Variants in KRT20 observed in about 807,000 individuals in gnomAD.
The protein encoded by KRT20 is keratin, type I cytoskeletal 20.
KRT20 carries 41 observed loss-of-function variants against 43.0 expected under a neutral mutation model. The observed-to-expected ratio is 0.95, with a 90% CI of 0.74 to 1.24. KRT20 has a LOEUF of 1.24. Ranked by LOEUF, KRT20 falls within the 50% of genes most tolerant of loss-of-function variation. The probability of loss-of-function intolerance (pLI) is 0.00; values close to 1 mark genes in which losing one functional copy is unlikely to be tolerated. For synonymous variants in KRT20, 207 were observed against 200.6 expected (o/e 1.03, Z -0.27); for missense variants, 533 against 521.2 (o/e 1.02, Z -0.22).
chr17:40,881,516 G>C (rs1315032935), intron 2 of KRT20, among the ~76,000 whole-genome samples: 1 of 152,010 alleles, frequency 6.6e-6, no homozygotes, highest in African/African-American at 2.4e-5. Flanking sequence ...GCCTCTCAAA[G>C]TGCTGGGATT....
chr17:40,882,148 G>C (rs956745069), intron 2 of KRT20, among the ~76,000 whole-genome samples: 13 of 152,174 alleles, frequency 8.5e-5, no homozygotes, highest in African/African-American at 3.1e-4. Context: ...TACACTTGCA[G>C]GCACTTGAAT....
chr17:40,877,543 A>G (rs905937341), intron 6 of KRT20, 126 bp from the exon 7 acceptor site: 2 of 549,982 alleles, frequency 3.6e-6, no homozygotes, highest in Non-Finnish European at 6.1e-6. Flanking sequence ...TTGCTTTCAT[A>G]TATCTTTCCC....
At chr17:40,878,389 C>G in intron 5 of KRT20, 24 bp from the exon 6 acceptor site, 1 of 1,559,160 alleles carries the variant, frequency 6.4e-7, no homozygotes, top group Non-Finnish European at 8.8e-7. Context: ...AAAAATAGGG[C>G]ACTTCTTATG....
chr17:40,877,102 G>A (rs868123598), intron 7 of KRT20, among the ~76,000 whole-genome samples: 1 of 152,144 alleles, frequency 6.6e-6, no homozygotes, highest in Non-Finnish European at 1.5e-5. Flanking sequence ...CTTGCTCTCT[G>A]GTTCTCATGG....
rs990623507 is a variant in KRT20 at position 40,884,818 on chromosome 17, T to A, written c.368A>T (p.Gln123Leu). 17 of 1,612,944 alleles carry A rather than the reference T, an allele frequency of 1.1e-5. No homozygotes were observed. The highest frequency in any genetic ancestry group is 1.7e-5 in the Admixed American group (1 of 59,938). The change falls in exon 1 of 8, where the codon CAA (glutamine) becomes CTA (leucine). Residue 123 changes from glutamine (Q) to leucine (L), a missense_variant. Transcript: ENST00000167588. The part of the protein sequence containing the change: ...AGRDYSAYYR[Q>L]IEELRSQIKD... ...CACCTGACTTCGCAGCTCTTCAATT[T>A]GTCTGTAATATGCACTGTAGTCGCG...
chr17:40,879,698 C>A, intron 5 of KRT20, 115 bp downstream of exon 5: 2 of 1,179,134 alleles, frequency 1.7e-6, no homozygotes, highest in South Asian at 3.0e-5. Context: ...GTTTCCCTGC[C>A]AGTTCTGCAA....
rs35896697 is a variant in KRT20 at position 40,878,150 on chromosome 17, G to T, written c.1134C>A (p.Asp378Glu). The part of the protein sequence containing the change: ...ATYRRLLEGE[D>E]VKTTEYQLST... ...CTTGATTCTAAGAGCCTTACTTTAC[G>T]TCTTCTCCTTCCAGAAGGCGGCGGT... The change falls in exon 6 of 8, where the codon GAC becomes GAA. Residue 378 changes from aspartate to glutamate, a missense_variant. Transcript: ENST00000167588. 1 of 1,612,940 alleles carries T rather than the reference G, an allele frequency of 6.2e-7. No homozygotes were observed. The highest frequency in any genetic ancestry group is 8.5e-7 in the Non-Finnish European group (1 of 1,179,040).
At position 40,884,986 on chromosome 17, in the gene KRT20, A is replaced by G. The variant is rs780500436; in HGVS notation, c.200T>C (p.Val67Ala). 1 of 1,614,194 alleles carries G rather than the reference A, an allele frequency of 6.2e-7. No individual in the cohort carries two copies. Among genetic ancestry groups the G allele is most frequent in the Non-Finnish European group, 8.5e-7 (1 of 1,180,036 alleles). Reference protein sequence around the residue: ...SDLTGGGDLFVGNEKMAMQNL... With the variant: ...SDLTGGGDLFAGNEKMAMQNL... ...CTGCATGGCCATTTTCTCATTGCCAACAAACAGGTCCCCGCCGCCTGTGAG... is the reference window on the plus strand; with the variant it reads ...CTGCATGGCCATTTTCTCATTGCCAGCAAACAGGTCCCCGCCGCCTGTGAG... Residue 67 changes from valine (V) to alanine (A), a missense_variant, in exon 1 of 8, where the codon GTT (valine) becomes GCT (alanine). Coordinates refer to ENST00000167588, the MANE Select transcript of KRT20 (RefSeq NM_019010.3).
In KRT20 at chr17:40,885,102, G is replaced by A. The variant is rs773725909; in HGVS notation, c.84C>T (p.Arg28=). 2 of 1,614,002 alleles carry A rather than the reference G, an allele frequency of 1.2e-6. No homozygotes were observed. Among genetic ancestry groups the A allele is most frequent in the East Asian group, 2.2e-5 (1 of 44,878 alleles). The change falls in exon 1 of 8, where the codon CGC becomes CGT. Residue 28 remains arginine (R), a synonymous_variant. Coordinates refer to ENST00000167588, the MANE Select transcript of KRT20 (RefSeq NM_019010.3). ...CATAAACGCTGGGTGTCGTCCCGAGGCGCTGCATGCCCACTGTACTGACTA... is the reference window on the plus strand; with the variant it reads ...CATAAACGCTGGGTGTCGTCCCGAGACGCTGCATGCCCACTGTACTGACTA... ...APVVSTVGMQ[R]LGTTPSVYGG... is the part of the protein sequence containing the mutation.
In KRT20 at chr17:40,879,877, T is replaced by A. The variant is rs759628627; in HGVS notation, c.854A>T (p.Gln285Leu). The A allele has an allele frequency of 6.2e-7, 1 of 1,613,770 alleles. No homozygotes were observed. The change falls in exon 5 of 8, where the codon CAA (glutamine) becomes CTA (leucine). Residue 285 changes from glutamine to leucine, a missense_variant. By Grantham distance (113) the Gln-to-Leu change is moderately radical. Coordinates refer to ENST00000167588, the MANE Select transcript of KRT20 (RefSeq NM_019010.3). ...GGAGGTGCGTCTCAGCTCCGTTAGT[T>A]GAACCTCAGTTCCTTTTAATTCTTC... is the stretch of plus-strand genomic sequence containing the variant. ...NTEELKGTEV[Q>L]LTELRRTSQS...
At chr17:40,882,424 A>T in intron 2 of KRT20, 148 bp downstream of exon 2, 1 of 332,090 alleles carries the variant, frequency 3.0e-6, no homozygotes, top group Non-Finnish European at 5.7e-6. Context: ...AGCTTCATAC[A>T]TGTAGCTTCT....
chr17:40,876,482 T>G (rs773787896), intron 7 of KRT20, 24 bp from the exon 8 acceptor site: 2 of 1,391,792 alleles, frequency 1.4e-6, no homozygotes, highest in South Asian at 2.3e-5. Flanking sequence ...AAACATTAAA[T>G]GTTAATTCAG....
chr17:40,884,909 G>C lies in KRT20; in HGVS notation c.277C>G (p.Gln93Glu). 4 of 1,614,228 alleles carry C rather than the reference G, an allele frequency of 2.5e-6. No individual in the cohort carries two copies. The highest frequency in any genetic ancestry group is 3.4e-6 in the Non-Finnish European group (4 of 1,180,038). Residue 93 changes from glutamine to glutamate, a missense_variant, in exon 1 of 8, where the codon CAG (glutamine) becomes GAG (glutamate). Coordinates refer to ENST00000167588, the MANE Select transcript of KRT20 (RefSeq NM_019010.3). ...TGCACTTCAAGTTTGGAGTTGGACT[G>C]CTCCAGGGTCCGCACCTTTTCTAGG... ...SYLEKVRTLE[Q>E]SNSKLEVQIK... is the part of the protein sequence containing the mutation.
Position 40,885,031 on chromosome 17 carries a change from G to C in KRT20, c.155C>G (p.Thr52Arg), listed in dbSNP as rs1296499040. 1 of 1,614,122 alleles carries C rather than the reference G, an allele frequency of 6.2e-7. No homozygotes were observed. Among genetic ancestry groups the C allele is most frequent in the Admixed American group, 1.7e-5 (1 of 60,012 alleles). Residue 52 changes from threonine to arginine, a missense_variant, in exon 1 of 8, where the codon ACG becomes AGG. By Grantham distance (71) the Thr-to-Arg change is moderately conservative. Coordinates refer to ENST00000167588, the MANE Select transcript of KRT20 (RefSeq NM_019010.3). ...RGIRISNSRHTVNYGSDLTGG... is the reference protein window; with the variant it reads ...RGIRISNSRHRVNYGSDLTGG... ...TGTGAGATCGCTCCCATAGTTCACC[G>C]TGTGTCTGGAGTTGGAGATGCGGAT...
In KRT20 at chr17:40,876,347, C is replaced by T. The variant is rs751199781; in HGVS notation, c.*14G>A. 1.6e-5 allele frequency: 25 copies of T among 1,556,854 alleles called. No homozygotes were observed. The African/African-American group carries it at 3.0e-4, about 19-fold the overall frequency. On this transcript the variant is annotated 3_prime_UTR_variant, in exon 8 of 8. Transcript: ENST00000167588. ...TCTTTCAAAACCTCAGCAGCATCTC[C>T]TTCTGGTAGCTATTTAGATATTTTC...
At chr17:40,878,645 A>G (rs569180059) in intron 5 of KRT20, among the ~76,000 whole-genome samples, 18 of 152,210 alleles carry the variant, frequency 1.2e-4, no homozygotes, top group African/African-American at 4.1e-4. Flanking sequence ...CCACTGTGTG[A>G]AGATGTTATA....
chr17:40,883,216 A>G (rs1174577117), intron 1 of KRT20, among the ~76,000 whole-genome samples: 1 of 152,206 alleles, frequency 6.6e-6, no homozygotes, highest in Admixed American at 6.5e-5. Flanking sequence ...TTGTGATTTT[A>G]CAGAAGGATA....
At chr17:40,881,632 T>G (rs532078719) in intron 2 of KRT20, among the ~76,000 whole-genome samples, 147 of 152,308 alleles carry the variant, frequency 9.7e-4, no homozygotes, top group African/African-American at 3.5e-3. Flanking sequence ...TTGGAAGTAA[T>G]GCACCTTTAC....
chr17:40,881,434 A>AT (rs1907593425), intron 2 of KRT20, among the ~76,000 whole-genome samples: 2 of 151,918 alleles, frequency 1.3e-5, no homozygotes, highest in Non-Finnish European at 2.9e-5. Context: ...GTATTTTTGT[A>AT]TAGAGATGTG....
Sources: allele counts gnomAD v4.1 joint callset (sites outside exome capture counted in the v4.1 genomes callset), GRCh38; gene constraint gnomAD v4.1.1; transcripts MANE v1.5; gene names NCBI Gene and HGNC (gene_info 2026-07-23, HGNC 2026-07-21).